Variants in EFCAB8 observed in about 807,000 individuals in gnomAD.
EFCAB8 encodes EF-hand calcium binding domain 8.
In EFCAB8, 100 loss-of-function variants were observed where a neutral mutation model predicts 116.3. The observed-to-expected ratio is 0.86, with a 90% CI of 0.73 to 1.02. The LOEUF (loss-of-function observed/expected upper bound fraction) is 1.02, where lower values mean the gene tolerates loss of function less well. Among genes scored for constraint, EFCAB8 ranks in the 50% least tolerant of loss-of-function variants. The pLI, the probability that EFCAB8 is intolerant of heterozygous loss-of-function variation, is 0.00. For synonymous variants in EFCAB8, 558 were observed against 567.9 expected (o/e 0.98, Z 0.25); for missense variants, 1,320 against 1,416.9 (o/e 0.93, Z 1.10).
chr20:32,876,021 G>A lies in EFCAB8; in HGVS notation c.304G>A (p.Asp102Asn). Residue 102 changes from aspartate to asparagine, a missense_variant, in exon 4 of 27, where the codon GAC becomes AAC. By Grantham distance (23) the Asp-to-Asn change is conservative (BLOSUM62 1). Coordinates refer to ENST00000400522, the MANE Select transcript of EFCAB8 (RefSeq NM_001143967.2). The part of the protein sequence containing the change: ...LKELFLKVDS[D>N]CEGFVTWQKY... ...GGAGCTGTTTTTGAAGGTGGACTCG[G>A]ACTGTGAAGGCTTTGTCACCTGGGT... 6.4e-7 allele frequency: 1 copy of A among 1,552,076 alleles called. No homozygotes were observed. Among genetic ancestry groups the A allele is most frequent in the Non-Finnish European group, 8.7e-7 (1 of 1,147,130 alleles).
chr20:32,918,410 C>G lies in EFCAB8; in HGVS notation c.2110C>G (p.Pro704Ala), dbSNP rs201118528. 2.9e-4 allele frequency: 447 copies of G among 1,551,716 alleles called. No homozygotes were observed. Among genetic ancestry groups the G allele is most frequent in the Middle Eastern group, 8.3e-4 (5 of 5,992 alleles). Residue 704 changes from proline (P) to alanine (A), a missense_variant, in exon 19 of 27, where the codon CCC becomes GCC. Transcript: ENST00000400522. The stretch of plus-strand genomic sequence containing the variant: ...GGCTGAGAGCCACAGGCCCAGCAGA[C>G]CCTATGTGGAGCGGGAGAAGTGGAC... The part of the protein sequence containing the change: ...CLAESHRPSR[P>A]YVEREKWTYK...
chr20:32,947,742 T>G (rs1329226126), intron 23 of EFCAB8, among the ~76,000 whole-genome samples: 1 of 151,770 alleles, frequency 6.6e-6, no homozygotes, highest in African/African-American at 2.4e-5. Flanking sequence ...ATGCCTATAT[T>G]AGAAGGAAAA....
chr20:32,888,350 C>T (rs533290838), intron 6 of EFCAB8, among the ~76,000 whole-genome samples: 37 of 152,138 alleles, frequency 2.4e-4, no homozygotes, highest in Non-Finnish European at 2.6e-4. Flanking sequence ...CTCAGCCTCC[C>T]GAGTAGCTGG....
chr20:32,863,971 A>G, intron 2 of EFCAB8, 137 bp downstream of exon 2: 1 of 983,494 alleles, frequency 1.0e-6, no homozygotes, highest in Non-Finnish European at 1.4e-6. Context: ...CTGGGCAGGT[A>G]ACTTAAGTGT....
chr20:32,905,410 A>G (rs1411012100), intron 11 of EFCAB8, among the ~76,000 whole-genome samples: 1 of 152,174 alleles, frequency 6.6e-6, no homozygotes, highest in African/African-American at 2.4e-5. Context: ...GACTAGTACC[A>G]TCTGATGGCA....
intron 1 of EFCAB8, 109 bp from the exon 2 acceptor site, chr20:32,863,674 C>T: frequency 9.6e-7 from 1 of 1,045,680 alleles, no homozygotes; most frequent in Non-Finnish European, 1.4e-6. Flanking sequence ...AAGCCACCCT[C>T]TCCCTTGACC....
At chr20:32,946,249 T>C (rs1988591621) in intron 23 of EFCAB8, among the ~76,000 whole-genome samples, 1 of 152,190 alleles carries the variant, frequency 6.6e-6, no homozygotes, top group Admixed American at 6.5e-5. Flanking sequence ...CTCTGAAAAG[T>C]CTGCATGTTG....
chr20:32,961,526 G>T lies in EFCAB8; in HGVS notation c.3784G>T (p.Val1262Phe). The T allele has an allele frequency of 7.1e-7, 1 of 1,417,752 alleles. No homozygotes were observed. The highest frequency in any genetic ancestry group is 2.6e-5 in the East Asian group (1 of 38,486). The allele number at this position is 1,417,752 out of a possible 1,614,324, so 87.8% of individuals were successfully genotyped here. A position where few individuals can be genotyped will look rare whatever the true frequency, so the allele number is the denominator to read the frequency against. Residue 1262 changes from valine to phenylalanine, a missense_variant, in exon 27 of 27, where the codon GTC becomes TTC. By Grantham distance (50) the Val-to-Phe change is conservative (BLOSUM62 -1). Coordinates refer to ENST00000400522, the MANE Select transcript of EFCAB8 (RefSeq NM_001143967.2). ...GGGGTCAGTGACCCCCAAGCACATT[G>T]TCTCCTCCTTCGAGCGGCCCCCAAG... Reference protein sequence around the residue: ...LQGSVTPKHIVSSFERPPRPL... With the variant: ...LQGSVTPKHIFSSFERPPRPL...
rs199666553 is a variant in EFCAB8, at chr20:32,948,570, AAG to A, written c.2959+4768_2959+4769del. Among the ~76,000 whole-genome samples the A allele has an allele frequency of 4.0e-5, 6 of 149,784 alleles. No homozygotes were observed. In the South Asian group the frequency reaches 1.1e-3, roughly 26 times the overall value. On this transcript the variant is annotated intron_variant, in intron 23 of 26. Transcript: ENST00000400522. ...AAAGAAAGAAAGAAAGAAAGAAAGAAAGAAAGAAAGAAAAGAAAGGAAAAGAA... is the reference window on the plus strand; with the variant it reads ...AAAGAAAGAAAGAAAGAAAGAAAGAAAAAGAAAGAAAAGAAAGGAAAAGAA...
At chr20:32,935,185 T>TTTC (rs752128686) in intron 22 of EFCAB8, among the ~76,000 whole-genome samples, 1,730 of 105,052 alleles carry the variant, frequency 0.016, 35 homozygotes, top group Non-Finnish European at 0.026. Flanking sequence ...TCTTTCTTTC[T>TTTC]TTCTTTCTTT....
At chr20:32,871,276 T>C (rs1318668211) in intron 3 of EFCAB8, among the ~76,000 whole-genome samples, 1 of 152,016 alleles carries the variant, frequency 6.6e-6, no homozygotes, top group Non-Finnish European at 1.5e-5. Flanking sequence ...ATTTTTATTC[T>C]TTTAAATTTC....
chr20:32,911,357 A>G, intron 15 of EFCAB8, 123 bp from the exon 16 acceptor site: 2 of 800,694 alleles, frequency 2.5e-6, no homozygotes, highest in Non-Finnish European at 3.7e-6. Flanking sequence ...ATGCTGTAGC[A>G]GGGGGCCCTG....
At chr20:32,900,883 T>C (rs1986392600) in intron 11 of EFCAB8, among the ~76,000 whole-genome samples, 1 of 152,032 alleles carries the variant, frequency 6.6e-6, no homozygotes, top group Non-Finnish European at 1.5e-5. Context: ...TTTGTATTTT[T>C]AGTAGAGATG....
At chr20:32,865,484 G>A (rs892096071) in intron 2 of EFCAB8, among the ~76,000 whole-genome samples, 2 of 151,896 alleles carry the variant, frequency 1.3e-5, no homozygotes, top group Non-Finnish European at 2.9e-5. Flanking sequence ...TCAGAAGCAG[G>A]GTAAAGTCAT....
At chr20:32,958,341 G>C (rs2146306763) in intron 23 of EFCAB8, 80 bp from the exon 24 acceptor site, 1 of 413,172 alleles carries the variant, frequency 2.4e-6, no homozygotes, top group Non-Finnish European at 4.5e-6. Context: ...GCTGACCCTT[G>C]AAGGGAGAGG....
At chr20:32,910,848 C>T (rs1407391636) in intron 15 of EFCAB8, among the ~76,000 whole-genome samples, 1 of 150,200 alleles carries the variant, frequency 6.7e-6, no homozygotes, top group East Asian at 1.9e-4. Flanking sequence ...AGCGATTCTC[C>T]TGCCTCAGCC....
intron 20 of EFCAB8, among the ~76,000 whole-genome samples, chr20:32,925,896 T>G (rs1208555858): frequency 6.6e-6 from 1 of 152,238 alleles, no homozygotes; most frequent in Non-Finnish European, 1.5e-5. Context: ...CTTTCCAAAA[T>G]GAGCAGGGCA....
intron 9 of EFCAB8, 32 bp downstream of exon 9, chr20:32,893,330 C>T: frequency 6.4e-7 from 1 of 1,551,220 alleles, no homozygotes; most frequent in South Asian, 1.2e-5. Flanking sequence ...GGGGCAGAGG[C>T]CTGGGCATGG....
chr20:32,923,342 C>T (rs1310317483), intron 20 of EFCAB8, among the ~76,000 whole-genome samples: 1 of 151,996 alleles, frequency 6.6e-6, no homozygotes, highest in African/African-American at 2.4e-5. Flanking sequence ...AAAAATTAGC[C>T]AGGGGTGGCA....
Sources: allele counts gnomAD v4.1 joint callset (sites outside exome capture counted in the v4.1 genomes callset), GRCh38; gene constraint gnomAD v4.1.1; transcripts MANE v1.5; gene names NCBI Gene and HGNC (gene_info 2026-07-23, HGNC 2026-07-21).